Variants in VDR observed in about 807,000 individuals in gnomAD.
VDR encodes vitamin D receptor.
A neutral mutation model predicts 39.7 loss-of-function variants in VDR; 19 were observed. That is an observed-to-expected ratio of 0.48 (90% CI 0.33 to 0.70). VDR has a LOEUF of 0.70. VDR is among the 30% of genes least tolerant of loss of function. The pLI is 0.02. For missense variants in VDR, 442 were observed against 570.5 expected, an observed-to-expected ratio of 0.77 and a Z score of 2.29; for synonymous variants, 242 against 215.8, an observed-to-expected ratio of 1.12 and a Z score of -1.07.
intron 2 of VDR, among the ~76,000 whole-genome samples, chr12:47,881,390 T>G (rs1421299068): frequency 1.3e-5 from 2 of 152,132 alleles, no homozygotes; most frequent in East Asian, 3.8e-4. Flanking sequence ...AGTACTATGC[T>G]CGCTACCTGG....
At chr12:47,887,306 G>C (rs1158123973) in intron 1 of VDR, among the ~76,000 whole-genome samples, 3 of 69,094 alleles carry the variant, frequency 4.3e-5, no homozygotes, top group African/African-American at 1.8e-4. Context: ...TGGGCGACAA[G>C]AGTAAAACTC....
At chr12:47,864,705 G>A (rs1285410546) in intron 4 of VDR, among the ~76,000 whole-genome samples, 1 of 152,248 alleles carries the variant, frequency 6.6e-6, no homozygotes, top group African/African-American at 2.4e-5. Flanking sequence ...AAAAAAGAAT[G>A]ACATCCTGGA....
chr12:47,879,986 A>G (rs542679981), intron 2 of VDR, among the ~76,000 whole-genome samples: 2 of 152,246 alleles, frequency 1.3e-5, no homozygotes, highest in South Asian at 2.1e-4. Flanking sequence ...TGACTCTTTC[A>G]TTAGCCAAAA....
At chr12:47,904,148 G>T (rs1039066107) in intron 1 of VDR, among the ~76,000 whole-genome samples, 135 of 152,104 alleles carry the variant, frequency 8.9e-4, no homozygotes, top group African/African-American at 3.1e-3. Context: ...ACTGTGAGAA[G>T]GGTCTGGGCT....
intron 1 of VDR, chr12:47,904,524 C>A (rs1393294287): frequency 4.2e-6 from 6 of 1,430,996 alleles, no homozygotes; most frequent in South Asian, 1.3e-5. Context: ...CACAGGTGAC[C>A]ATACCTGGGC....
chr12:47,896,251 A>G (rs954349880), intron 1 of VDR, among the ~76,000 whole-genome samples: 1 of 152,264 alleles, frequency 6.6e-6, no homozygotes, highest in African/African-American at 2.4e-5. Context: ...CAATTACTGC[A>G]ATGACTAAGG....
At chr12:47,882,623 G>GCCCCCGGGCCCCCCCCC in intron 2 of VDR, 71 bp downstream of exon 2, 2 of 543,282 alleles carry the variant, frequency 3.7e-6, no homozygotes, top group Non-Finnish European at 3.2e-6. Context: ...ACCTTCTTAT[G>GCCCCCGGGCCCCCCCCC]CCCCTCCCCC....
intron 7 of VDR, among the ~76,000 whole-genome samples, chr12:47,854,229 C>T (rs1945440623): frequency 6.6e-6 from 1 of 152,088 alleles, no homozygotes; most frequent in Admixed American, 6.5e-5. Context: ...TCAAGTGATT[C>T]TCCTGCCTCA....
At chr12:47,890,256 T>G (rs182471110) in intron 1 of VDR, among the ~76,000 whole-genome samples, 225 of 151,348 alleles carry the variant, frequency 1.5e-3, no homozygotes, top group Admixed American at 5.7e-3. Flanking sequence ...AATGGCTTAT[T>G]TTCTGACGAC....
chr12:47,848,554 C>CA, intron 7 of VDR, among the ~76,000 whole-genome samples: 1 of 108,786 alleles, frequency 9.2e-6, no homozygotes, highest in East Asian at 2.7e-4. Context: ...GTTTTCTACT[C>CA]CTTTTTTTTT....
Position 47,865,194 on chromosome 12 carries a change from C to A in VDR, c.147-17G>T. Reference sequence around the variant, plus strand: ...ATGCTTCGCCTGCCGAGAGAGCACACACCCTGCCCTGGGTCACTGAACTTC... The same window carrying A: ...ATGCTTCGCCTGCCGAGAGAGCACAAACCCTGCCCTGGGTCACTGAACTTC... On this transcript the variant is annotated splice_polypyrimidine_tract_variant and intron_variant, in intron 3 of 9. Coordinates refer to ENST00000549336, the MANE Select transcript of VDR (RefSeq NM_000376.3). 2 of 1,609,808 alleles carry A rather than the reference C, an allele frequency of 1.2e-6. No homozygotes were observed. The highest frequency in any genetic ancestry group is 1.7e-6 in the Non-Finnish European group (2 of 1,178,002).
chr12:47,847,316 T>C (rs1479738179), intron 7 of VDR, among the ~76,000 whole-genome samples: 1 of 151,984 alleles, frequency 6.6e-6, no homozygotes, highest in Non-Finnish European at 1.5e-5. Context: ...TCCAGCGTCT[T>C]TTCCAATAGC....
At chr12:47,868,568 T>C (rs1945783072) in intron 3 of VDR, among the ~76,000 whole-genome samples, 1 of 152,188 alleles carries the variant, frequency 6.6e-6, no homozygotes, top group Non-Finnish European at 1.5e-5. Context: ...ACTGTTAGGG[T>C]TCCCCAGAAA....
Position 47,868,861 on chromosome 12 carries a change from C to T in VDR, c.147-3684G>A, listed in dbSNP as rs1945789759. 2.0e-5 allele frequency among the ~76,000 whole-genome samples: 3 copies of T among 152,114 alleles called. No homozygotes were observed. In the South Asian group the frequency reaches 6.2e-4, roughly 32 times the overall value. ...ACTGGCTGTCTTGTCTGGCTCAGAG[C>T]TCTTCCTGTTAAGCCTGCAAGGCCA... is the stretch of plus-strand genomic sequence containing the variant. On this transcript the variant is annotated intron_variant, in intron 3 of 9. Coordinates refer to ENST00000549336, the MANE Select transcript of VDR (RefSeq NM_000376.3).
intron 3 of VDR, among the ~76,000 whole-genome samples, chr12:47,871,967 A>T (rs1945891235): frequency 6.6e-6 from 1 of 152,272 alleles, no homozygotes; most frequent in African/African-American, 2.4e-5. Context: ...GGAAGCGAAC[A>T]CGATGAGCTG....
At chr12:47,903,174 C>T (rs967428947) in intron 1 of VDR, among the ~76,000 whole-genome samples, 2 of 152,146 alleles carry the variant, frequency 1.3e-5, no homozygotes, top group Non-Finnish European at 2.9e-5. Context: ...TTTTCTAGTC[C>T]CTCCTTTAGC....
chr12:47,850,377 A>G (rs147463108), intron 7 of VDR, among the ~76,000 whole-genome samples: 98 of 152,176 alleles, frequency 6.4e-4, no homozygotes, highest in African/African-American at 2.1e-3. Flanking sequence ...GAACATTTTG[A>G]TTGCTTCCAA....
chr12:47,871,463 T>G (rs1438953341), intron 3 of VDR, among the ~76,000 whole-genome samples: 1 of 130,094 alleles, frequency 7.7e-6, no homozygotes, highest in Non-Finnish European at 1.6e-5. Context: ...TCTCTCTTTC[T>G]TTCTTTTTTT....
chr12:47,880,028 T>C (rs1946112521), intron 2 of VDR, among the ~76,000 whole-genome samples: 1 of 152,114 alleles, frequency 6.6e-6, no homozygotes, highest in Admixed American at 6.5e-5. Context: ...CTGCGTCTGA[T>C]CCCGTCTACT....
Sources: allele counts gnomAD v4.1 joint callset (sites outside exome capture counted in the v4.1 genomes callset), GRCh38; gene constraint gnomAD v4.1.1; transcripts MANE v1.5; gene names NCBI Gene and HGNC (gene_info 2026-07-23, HGNC 2026-07-21).